Variants in ATP7A observed in about 807,000 individuals in gnomAD.
The protein encoded by ATP7A is copper-transporting ATPase 1.
Under a neutral mutation model 83.5 loss-of-function variants are expected in ATP7A, and 7 were observed. That is an observed-to-expected ratio of 0.08 (90% CI 0.05 to 0.16). The LOEUF is 0.16. ATP7A is among the 10% of genes least tolerant of loss of function. ATP7A has a pLI of 1.00. For synonymous variants in ATP7A, 354 were observed against 395.2 expected (o/e 0.90, Z 1.24); for missense variants, 940 against 1,120.8 (o/e 0.84, Z 2.30).
chrX:77,969,704 A>G (rs1603378478), intron 1 of ATP7A: 2 of 1,176,509 alleles, frequency 1.7e-6, no homozygotes, highest in African/African-American at 3.5e-5. Flanking sequence ...TACGCTGAAA[A>G]TTCTTTTTCC....
Position 78,048,847 on chromosome X carries a change from C to G in ATP7A, c.*2277C>G, listed in dbSNP as rs2078096479. 9.0e-6 allele frequency: 1 copy of G among 110,932 alleles called. No individual in the cohort carries two copies. Among genetic ancestry groups the G allele is most frequent in the Non-Finnish European group, 1.9e-5 (1 of 52,997 alleles). 9.1% of individuals were successfully genotyped at this position (110,932 alleles called of 1,213,427 possible). A position where few individuals can be genotyped will look rare whatever the true frequency, so the allele number is the denominator to read the frequency against. On this transcript the variant is annotated 3_prime_UTR_variant, in exon 23 of 23. Transcript: ENST00000341514. Reference sequence around the variant, plus strand: ...GTAAATGTTGAAAAAAGAAGCATGCCTCCTTCTCCCTCCCACCCACCTCAA... The same window carrying G: ...GTAAATGTTGAAAAAAGAAGCATGCGTCCTTCTCCCTCCCACCCACCTCAA...
intron 1 of ATP7A, among the ~76,000 whole-genome samples, chrX:77,957,706 C>T (rs2077452942): frequency 9.0e-6 from 1 of 110,602 alleles, no homozygotes; most frequent in South Asian, 3.8e-4. Context: ...AACTTCCTTG[C>T]TAAGCCCAGT....
At chrX:77,977,028 A>T (rs782664742) in intron 2 of ATP7A, among the ~76,000 whole-genome samples, 1 of 112,021 alleles carries the variant, frequency 8.9e-6, no homozygotes, top group East Asian at 2.8e-4. Flanking sequence ...CTGAGAGATG[A>T]CAGGTAATTA....
At chrX:77,914,924 A>G (rs1421624814) in intron 1 of ATP7A, among the ~76,000 whole-genome samples, 1 of 111,165 alleles carries the variant, frequency 9.0e-6, no homozygotes. Flanking sequence ...CATTTTCTGG[A>G]GTATTAGATA....
chrX:77,932,891 C>G (rs1455414816), intron 1 of ATP7A, among the ~76,000 whole-genome samples: 1 of 109,521 alleles, frequency 9.1e-6, no homozygotes, highest in East Asian at 2.8e-4. Context: ...AGAGGGAGAC[C>G]GTGGAAAGAG....
At chrX:78,012,349 C>T (rs782637633) in intron 9 of ATP7A, among the ~76,000 whole-genome samples, 22 of 111,267 alleles carry the variant, frequency 2.0e-4, no homozygotes, top group African/African-American at 6.2e-4. Context: ...CAACAGATTT[C>T]GTAGCTTGTG....
chrX:77,971,479 T>C, intron 1 of ATP7A, 142 bp from the exon 2 acceptor site: 1 of 608,840 alleles, frequency 1.6e-6, no homozygotes, highest in Admixed American at 2.8e-5. Context: ...TACCATATTT[T>C]ATTACTAGCA....
intron 1 of ATP7A, among the ~76,000 whole-genome samples, chrX:77,937,258 ATAAAAT>A (rs1167881479): frequency 3.6e-5 from 4 of 112,498 alleles, no homozygotes; most frequent in Non-Finnish European, 7.5e-5. Context: ...TCATCTATAA[ATAAAAT>A]TAAAGTGAGA....
At chrX:78,029,156 A>G in intron 14 of ATP7A, 94 bp from the exon 15 acceptor site, 1 of 961,934 alleles carries the variant, frequency 1.0e-6, no homozygotes, top group East Asian at 3.1e-5. Flanking sequence ...GTCACTTTTT[A>G]AATTGTGGTT....
At chrX:77,968,268 C>T (rs2077521485) in intron 1 of ATP7A, among the ~76,000 whole-genome samples, 1 of 111,809 alleles carries the variant, frequency 8.9e-6, no homozygotes, top group East Asian at 2.8e-4. Context: ...CACAAGAAAC[C>T]CCAGAAGGGT....
At chrX:78,029,129 G>A (rs2077965845) in intron 14 of ATP7A, 121 bp from the exon 15 acceptor site, 4 of 713,258 alleles carry the variant, frequency 5.6e-6, no homozygotes, top group Admixed American at 5.0e-5. Context: ...ATATATGTAG[G>A]TAGCTAGGTA....
intron 1 of ATP7A, among the ~76,000 whole-genome samples, chrX:77,933,203 A>G (rs555367574): frequency 8.0e-5 from 9 of 111,844 alleles, no homozygotes; most frequent in Middle Eastern, 4.6e-3. Flanking sequence ...TTTTACAGAT[A>G]AGGAAACTGA....
In ATP7A at chrX:77,928,283, T is replaced by G. The variant is rs184099207; in HGVS notation, c.-22+17448T>G. On this transcript the variant is annotated intron_variant, in intron 1 of 22. Transcript: ENST00000341514. ...CAGCAGTATATCATAGTTCGTTAAC[T>G]CAAAACTATTTTGATATTAATGATT... Among the ~76,000 whole-genome samples the G allele has an allele frequency of 8.5e-3, 953 of 111,655 alleles. 9 individuals carry two copies. The highest frequency in any genetic ancestry group is 0.029 in the African/African-American group (886 of 30,693).
chrX:77,999,902 C>G (rs1299365585), intron 5 of ATP7A, among the ~76,000 whole-genome samples: 3 of 89,954 alleles, frequency 3.3e-5, no homozygotes, highest in African/African-American at 1.4e-4. Flanking sequence ...GGCAAGACTC[C>G]ATCTCAAAAA....
chrX:78,048,135 T>A lies in ATP7A; in HGVS notation c.*1565T>A, dbSNP rs1557239401. The A allele has an allele frequency of 8.9e-6, 1 of 112,136 alleles. No individual in the cohort carries two copies. The highest frequency in any genetic ancestry group is 3.2e-5 in the African/African-American group (1 of 30,904). 9.2% of individuals were successfully genotyped at this position (112,136 alleles called of 1,213,427 possible). ...TGCCTAGTTAGTGTGGTTGGCAAAT[T>A]TAGGAGCTTGTTCCCATTGCCAAAT... On this transcript the variant is annotated 3_prime_UTR_variant, in exon 23 of 23. Coordinates refer to ENST00000341514, the MANE Select transcript of ATP7A (RefSeq NM_000052.7).
intron 6 of ATP7A, among the ~76,000 whole-genome samples, chrX:78,008,281 A>G (rs1441920301): frequency 8.9e-6 from 1 of 111,856 alleles, no homozygotes; most frequent in Non-Finnish European, 1.9e-5. Flanking sequence ...GAGTATTTCA[A>G]TGGCTGTTTT....
At chrX:78,015,959 A>G in intron 12 of ATP7A, 78 bp downstream of exon 12, 2 of 1,044,002 alleles carry the variant, frequency 1.9e-6, no homozygotes, top group Non-Finnish European at 2.7e-6. Flanking sequence ...TGTAGAAGCT[A>G]TGAATAACTA....
intron 1 of ATP7A, among the ~76,000 whole-genome samples, chrX:77,931,361 A>G (rs2077273421): frequency 1.8e-5 from 2 of 111,756 alleles, no homozygotes; most frequent in South Asian, 7.5e-4. Context: ...ATCCCAAGGC[A>G]GAAGAATTTT....
chrX:77,980,468 A>G (rs1017586104), intron 2 of ATP7A, among the ~76,000 whole-genome samples: 13 of 110,069 alleles, frequency 1.2e-4, no homozygotes, highest in Admixed American at 2.9e-4. Context: ...ATAAAATAAA[A>G]TAAAAATGAC....
Sources: gnomAD v4.1 joint callset for allele counts (sites outside exome capture counted in the v4.1 genomes callset) on GRCh38, gnomAD v4.1.1 for gene constraint, MANE v1.5 for transcripts, NCBI Gene and HGNC (gene_info 2026-07-23, HGNC 2026-07-21) for gene names.